CAMK2B: variants seen among roughly 807,000 people sequenced by gnomAD.
CAMK2B encodes the protein calcium/calmodulin-dependent protein kinase type II subunit beta.
A neutral mutation model predicts 93.7 loss-of-function variants in CAMK2B; 27 were observed. The ratio of observed to expected loss-of-function variants is 0.29; its 90% CI spans 0.21 to 0.40. The LOEUF (loss-of-function observed/expected upper bound fraction) is 0.40. Ranked by LOEUF, CAMK2B falls within the 10% of genes least tolerant of loss-of-function variation. The pLI is 1.00. For synonymous variants in CAMK2B, 374 were observed against 358.8 expected, an observed-to-expected ratio of 1.04 and a Z score of -0.48; for missense variants, 568 against 895.8, an observed-to-expected ratio of 0.63 and a Z score of 4.67.
intron 1 of CAMK2B, among the ~76,000 whole-genome samples, chr7:44,297,688 T>C (rs1788657471): frequency 1.3e-5 from 2 of 152,048 alleles, no homozygotes; most frequent in African/African-American, 4.8e-5. Flanking sequence ...GAAATCCCTA[T>C]CAAAATTCCA....
At chr7:44,290,870 T>C (rs1396851986) in intron 1 of CAMK2B, among the ~76,000 whole-genome samples, 2 of 152,216 alleles carry the variant, frequency 1.3e-5, no homozygotes, top group African/African-American at 4.8e-5. Context: ...GAATGTATGT[T>C]TGTATTATTG....
At chr7:44,276,431 C>CAA (rs1434498331) in intron 2 of CAMK2B, among the ~76,000 whole-genome samples, 1 of 152,154 alleles carries the variant, frequency 6.6e-6, no homozygotes, top group Non-Finnish European at 1.5e-5. Context: ...GCAGCACCCC[C>CAA]CCGCCACCCA....
rs534539644 is a variant in CAMK2B, at chr7:44,295,018, T to C, written c.66-10793A>G. ...GGACTCAGAAAAGCCAAGTAGAGAT[T>C]AGAAAGATGGGAGGTTTGAATCAGG... On this transcript the variant is annotated intron_variant, in intron 1 of 23. Coordinates refer to ENST00000395749, the MANE Select transcript of CAMK2B (RefSeq NM_001220.5). 4.6e-5 allele frequency among the ~76,000 whole-genome samples: 7 copies of C among 152,282 alleles called. No individual in the cohort carries two copies. The South Asian group carries it at 1.2e-3, about 27-fold the overall frequency.
intron 1 of CAMK2B, among the ~76,000 whole-genome samples, chr7:44,295,566 TC>T (rs1400072317): frequency 6.6e-6 from 1 of 152,192 alleles, no homozygotes; most frequent in Non-Finnish European, 1.5e-5. Flanking sequence ...AATTAAGAAT[TC>T]CAGGGTGCCT....
Position 44,325,342 on chromosome 7 carries a change from C to T in CAMK2B, c.65+15G>A. ...TGGGGTCCCCGGCCCAGCCCGCGCG[C>T]GCCGCTGCTCTTACTTGCCAATATC... On this transcript the variant is annotated intron_variant, in intron 1 of 23. Coordinates refer to ENST00000395749, the MANE Select transcript of CAMK2B (RefSeq NM_001220.5). The T allele has an allele frequency of 1.6e-6, 2 of 1,234,630 alleles. No individual in the cohort carries two copies. The highest frequency in any genetic ancestry group is 2.1e-6 in the Non-Finnish European group (2 of 959,406). The allele number at this position is 1,234,630 out of a possible 1,614,324, so 76.5% of individuals were successfully genotyped here. A position where few individuals can be genotyped will look rare whatever the true frequency, so the allele number is the denominator to read the frequency against.
At chr7:44,266,641 A>G (rs978185109) in intron 2 of CAMK2B, among the ~76,000 whole-genome samples, 9 of 152,172 alleles carry the variant, frequency 5.9e-5, no homozygotes, top group Non-Finnish European at 1.2e-4. Context: ...TCCCGAGGCC[A>G]GCAGGCCTGT....
In CAMK2B at chr7:44,258,882, C is replaced by T. The variant is rs754406437; in HGVS notation, c.265G>A (p.Val89Ile). Residue 89 changes from valine to isoleucine, a missense_variant, in exon 4 of 24, where the codon GTC becomes ATC. Val to Ile is a conservative substitution (Grantham distance 29). Coordinates refer to ENST00000395749, the MANE Select transcript of CAMK2B (RefSeq NM_001220.5). The stretch of plus-strand genomic sequence containing the variant: ...AGCTCTGGAACTTACAGATCGAAGA[C>T]CAGGTAGTGGAAGCCCTCCTCGGAG... ...SISEEGFHYL[V>I]FDLVTGGELF... 3.1e-6 allele frequency: 5 copies of T among 1,613,964 alleles called. No homozygotes were observed. The South Asian group carries it at 3.3e-5, about 11-fold the overall frequency.
chr7:44,292,665 A>G (rs1301582090), intron 1 of CAMK2B, among the ~76,000 whole-genome samples: 1 of 152,188 alleles, frequency 6.6e-6, no homozygotes, highest in African/African-American at 2.4e-5. Context: ...AGAAGGGAGT[A>G]TGAGGTGCAT....
intron 2 of CAMK2B, among the ~76,000 whole-genome samples, chr7:44,280,376 G>A (rs1228649892): frequency 6.6e-6 from 1 of 152,180 alleles, no homozygotes; most frequent in Non-Finnish European, 1.5e-5. Flanking sequence ...AGGCCACAGG[G>A]CACGAGGTGG....
At chr7:44,323,531 C>T (rs1796686164) in intron 1 of CAMK2B, among the ~76,000 whole-genome samples, 1 of 152,210 alleles carries the variant, frequency 6.6e-6, no homozygotes, top group South Asian at 2.1e-4. Context: ...ATCGGAGGCT[C>T]AGCGGGGAGC....
At chr7:44,227,876 G>A (rs1583848970) in intron 19 of CAMK2B, among the ~76,000 whole-genome samples, 2 of 121,838 alleles carry the variant, frequency 1.6e-5, no homozygotes, top group Admixed American at 1.7e-4. Flanking sequence ...GAATTTGGGG[G>A]ACAGAGGGGG....
intron 6 of CAMK2B, among the ~76,000 whole-genome samples, chr7:44,246,456 T>C (rs1471694707): frequency 1.3e-5 from 2 of 151,282 alleles, no homozygotes; most frequent in Non-Finnish European, 3.0e-5. Flanking sequence ...CACACACACA[T>C]GCATACACGC....
chr7:44,226,468 G>A (rs760855763), intron 20 of CAMK2B, 48 bp downstream of exon 20: 69 of 1,357,056 alleles, frequency 5.1e-5, no homozygotes, highest in Non-Finnish European at 5.9e-5. Flanking sequence ...CGCACGCCCC[G>A]AGCCCCTCCG....
At chr7:44,274,744 G>A (rs532594732) in intron 2 of CAMK2B, among the ~76,000 whole-genome samples, 1 of 152,362 alleles carries the variant, frequency 6.6e-6, no homozygotes, top group East Asian at 1.9e-4. Context: ...AGCAAGGGGC[G>A]GTGAGCAGGA....
In CAMK2B at chr7:44,225,641, C is replaced by A. The variant is rs569903355; in HGVS notation, c.1597+875G>T. 6.0e-5 allele frequency: 55 copies of A among 917,168 alleles called. No individual in the cohort carries two copies. Among genetic ancestry groups the A allele is most frequent in the Non-Finnish European group, 8.2e-5 (54 of 659,256 alleles). 56.8% of individuals were successfully genotyped at this position (917,168 alleles called of 1,614,324 possible). ...GCAGCCTGCATCCCCCTCCTCGAGC[C>A]GCTGCTCCTGTGGGTTCACTCTCCC... On this transcript the variant is annotated intron_variant, in intron 20 of 23. Coordinates refer to ENST00000395749, the MANE Select transcript of CAMK2B (RefSeq NM_001220.5). The surrounding 1 kb of genome is among the most constrained non-coding windows in gnomAD (Gnocchi z 5.0).
At chr7:44,314,358 A>C (rs187364499) in intron 1 of CAMK2B, among the ~76,000 whole-genome samples, 25 of 152,336 alleles carry the variant, frequency 1.6e-4, no homozygotes, top group African/African-American at 5.3e-4. Context: ...TTTCATAAAA[A>C]GGGGATTAAA....
At chr7:44,295,129 TTAGAA>T (rs144604049) in intron 1 of CAMK2B, among the ~76,000 whole-genome samples, 1 of 152,356 alleles carries the variant, frequency 6.6e-6, no homozygotes, top group East Asian at 1.9e-4. Flanking sequence ...GGTTGATGTG[TTAGAA>T]TAACAGGTGC....
At chr7:44,285,047 G>A (rs950761679) in intron 1 of CAMK2B, among the ~76,000 whole-genome samples, 3 of 152,146 alleles carry the variant, frequency 2.0e-5, no homozygotes, top group Non-Finnish European at 2.9e-5. Context: ...GGCCATGAAC[G>A]TACCCCACAA....
At position 44,312,267 on chromosome 7, in the gene CAMK2B, A is replaced by G. The variant is rs1246079267; in HGVS notation, c.65+13090T>C. Among the ~76,000 whole-genome samples, 1 of 152,182 alleles carries G rather than the reference A, an allele frequency of 6.6e-6. No individual in the cohort carries two copies. Among genetic ancestry groups the G allele is most frequent in the Non-Finnish European group, 1.5e-5 (1 of 68,030 alleles). ...AGCATCCTCAGCCCACACTGGGGGA[A>G]ATAGTTCAGCCAGGTGTCAGTGGCG... On this transcript the variant is annotated intron_variant, in intron 1 of 23. Coordinates refer to ENST00000395749, the MANE Select transcript of CAMK2B (RefSeq NM_001220.5). The surrounding 1 kb of genome is among the most constrained non-coding windows in gnomAD (Gnocchi z 4.1).
Sources: gnomAD v4.1 joint callset for allele counts (sites outside exome capture counted in the v4.1 genomes callset) on GRCh38, gnomAD v4.1.1 for gene constraint, Gnocchi (gnomAD v3.1) non-coding constraint, MANE v1.5 for transcripts, NCBI Gene and HGNC (gene_info 2026-07-23, HGNC 2026-07-21) for gene names.